Variants in TNS1 observed in about 807,000 individuals in gnomAD.
TNS1 encodes tensin 1, also known as tensin-1.
TNS1 carries 62 observed loss-of-function variants against 168.6 expected under a neutral mutation model. That is an observed-to-expected ratio of 0.37 (90% CI 0.30 to 0.45). The LOEUF (loss-of-function observed/expected upper bound fraction) is 0.45, where lower values mean the gene tolerates loss of function less well. Among genes scored for constraint, TNS1 ranks in the 20% least tolerant of loss-of-function variants. The pLI is 1.00. For missense variants in TNS1, 2,240 were observed against 2,339.4 expected (o/e 0.96, Z 0.88); for synonymous variants, 934 against 933.2 (o/e 1.00, Z -0.02).
chr2:217,859,036 C>A (rs1948528422), intron 18 of TNS1, among the ~76,000 whole-genome samples: 1 of 148,990 alleles, frequency 6.7e-6, no homozygotes, highest in African/African-American at 2.5e-5. Flanking sequence ...CCAGCACAGC[C>A]CAGCCCAGCC....
intron 3 of TNS1, among the ~76,000 whole-genome samples, chr2:217,954,698 G>A (rs1352061013): frequency 6.6e-6 from 1 of 152,118 alleles, no homozygotes; most frequent in Non-Finnish European, 1.5e-5. Flanking sequence ...ACTGTCAAGA[G>A]CCCCAGCAGC....
chr2:217,976,250 C>A (rs1226356890), intron 3 of TNS1, among the ~76,000 whole-genome samples: 1 of 152,208 alleles, frequency 6.6e-6, no homozygotes, highest in African/African-American at 2.4e-5. Flanking sequence ...CTTAGAACAG[C>A]ATTTGGCCCG....
chr2:217,879,458 G>C (rs1167664709), intron 18 of TNS1: 1 of 454,014 alleles, frequency 2.2e-6, no homozygotes, highest in East Asian at 7.1e-5. Flanking sequence ...CAAGCAGCCT[G>C]GGGGGTCGGA....
At chr2:217,924,540 TGAA>T (rs1559364688) in intron 3 of TNS1, among the ~76,000 whole-genome samples, 3 of 152,156 alleles carry the variant, frequency 2.0e-5, no homozygotes. Context: ...AAATGTCTGT[TGAA>T]GAATGAAAGT....
At chr2:217,980,454 A>G (rs1008901811) in intron 2 of TNS1, among the ~76,000 whole-genome samples, 1 of 151,638 alleles carries the variant, frequency 6.6e-6, no homozygotes, top group African/African-American at 2.4e-5. Context: ...TTGGTCCAAC[A>G]GTGTGGGCTC....
intron 18 of TNS1, among the ~76,000 whole-genome samples, chr2:217,876,773 G>A (rs564900525): frequency 6.6e-6 from 1 of 152,076 alleles, no homozygotes. Flanking sequence ...TACAAGCAGG[G>A]GGAAGATGAT....
chr2:217,927,939 C>G (rs765334554), intron 3 of TNS1, among the ~76,000 whole-genome samples: 4 of 152,166 alleles, frequency 2.6e-5, no homozygotes, highest in Non-Finnish European at 5.9e-5. Flanking sequence ...GTCTCCATGC[C>G]CATATGAAGA....
intron 2 of TNS1, among the ~76,000 whole-genome samples, chr2:217,981,462 G>A (rs539075770): frequency 6.6e-6 from 1 of 152,352 alleles, no homozygotes; most frequent in Admixed American, 6.5e-5. Flanking sequence ...GAAATCATCA[G>A]GTAATTGCAA....
chr2:217,939,938 C>T (rs938091770), intron 3 of TNS1, among the ~76,000 whole-genome samples: 26 of 152,190 alleles, frequency 1.7e-4, no homozygotes, highest in African/African-American at 5.3e-4. Context: ...GGCTCTCTAG[C>T]GTCCAGCAAC....
Position 217,800,539 on chromosome 2 carries a change from G to A in TNS1, c.*3920C>T, listed in dbSNP as rs78530010. On this transcript the variant is annotated 3_prime_UTR_variant, in exon 33 of 33. Coordinates refer to ENST00000682258, the MANE Select transcript of TNS1 (RefSeq NM_001387777.1). ...CCCTAAAGAAATGAGCAAAACACAC[G>A]CACACACATACATCCACACTTGCAC... 0.013 allele frequency: 1,949 copies of A among 152,386 alleles called. 38 individuals are homozygous for A. Among genetic ancestry groups the A allele is most frequent in the South Asian group, 0.059 (286 of 4,810 alleles). The allele number at this position is 152,386 out of a possible 1,614,324, so 9.4% of individuals were successfully genotyped here. A position where few individuals can be genotyped will look rare whatever the true frequency, so the allele number is the denominator to read the frequency against.
rs758827263 is a variant in TNS1 at position 217,808,680 on chromosome 2, C to T, written c.5274-9G>A. On this transcript the variant is annotated splice_polypyrimidine_tract_variant and intron_variant, in intron 30 of 32. Transcript: ENST00000682258. ...GGCGTCTGAAAAAGAGCCTGCAGCA[C>T]AGACATCAGATAAACAGAGAATGAG... is the stretch of plus-strand genomic sequence containing the variant. 1 of 1,613,886 alleles carries T rather than the reference C, an allele frequency of 6.2e-7. No homozygotes were observed. The highest frequency in any genetic ancestry group is 1.7e-5 in the Admixed American group (1 of 60,028).
At chr2:217,895,160 A>G in intron 8 of TNS1, 104 bp from the exon 9 acceptor site, 2 of 1,158,372 alleles carry the variant, frequency 1.7e-6, no homozygotes, top group Admixed American at 2.0e-5. Context: ...CCGTGGCATC[A>G]TTGCCAACTT....
chr2:217,805,507 C>CCA (rs1559131990), intron 32 of TNS1, among the ~76,000 whole-genome samples: 1 of 30,710 alleles, frequency 3.3e-5, no homozygotes, highest in Non-Finnish European at 5.7e-5. Context: ...ACACACACCA[C>CCA]CACACACACC....
At chr2:217,903,638 C>T in intron 6 of TNS1, 1 of 1,528,018 alleles carries the variant, frequency 6.5e-7, no homozygotes, top group Middle Eastern at 1.7e-4. Flanking sequence ...TGAAAGGGCA[C>T]CATGAAAGGA....
chr2:218,013,085 T>C (rs1223981382), upstream of TNS1, among the ~76,000 whole-genome samples: 16 of 147,126 alleles, frequency 1.1e-4, no homozygotes, highest in Admixed American at 6.1e-4. Flanking sequence ...CCATCACTAG[T>C]AAAAATACAA....
At chr2:217,955,901 G>C (rs1012768810) in intron 3 of TNS1, among the ~76,000 whole-genome samples, 1 of 152,150 alleles carries the variant, frequency 6.6e-6, no homozygotes, top group Admixed American at 6.5e-5. Context: ...AGAGACAGGG[G>C]ACTCTCAGCA....
intron 18 of TNS1, among the ~76,000 whole-genome samples, chr2:217,853,926 A>C (rs1324647374): frequency 6.6e-6 from 1 of 152,232 alleles, no homozygotes; most frequent in African/African-American, 2.4e-5. Context: ...CAGCCATCTC[A>C]CACACTTAAA....
At chr2:218,019,667 G>T (rs573649453) in intron 1 of TNS1, among the ~76,000 whole-genome samples, 2 of 152,200 alleles carry the variant, frequency 1.3e-5, no homozygotes, top group Non-Finnish European at 2.9e-5. Flanking sequence ...AGGCCCTGGG[G>T]AGAGATTTCT....
Position 217,804,290 on chromosome 2 carries a change from T to TA in TNS1, c.*168_*169insT. On this transcript the variant is annotated 3_prime_UTR_variant, in exon 33 of 33. Transcript: ENST00000682258. ...TCTCTCTCTCTCTCTCTCTCTCTCT[T>TA]TTCCCCCTCCCCTCTGCAATTCACT... 4.0e-6 allele frequency: 2 copies of TA among 504,818 alleles called. No individual in the cohort carries two copies. Among genetic ancestry groups the TA allele is most frequent in the Non-Finnish European group, 6.9e-6 (2 of 289,774 alleles). The allele number at this position is 504,818 out of a possible 1,614,324, so 31.3% of individuals were successfully genotyped here. A position where few individuals can be genotyped will look rare whatever the true frequency, so the allele number is the denominator to read the frequency against.
Sources: allele counts gnomAD v4.1 joint callset (sites outside exome capture counted in the v4.1 genomes callset), GRCh38; gene constraint gnomAD v4.1.1; transcripts MANE v1.5; gene names NCBI Gene and HGNC (gene_info 2026-07-23, HGNC 2026-07-21).